Variants in NTRK3 observed in about 807,000 individuals in gnomAD.
NTRK3 encodes the protein neurotrophic receptor tyrosine kinase 3, also known as NT-3 growth factor receptor.
In NTRK3, 24 loss-of-function variants were observed where a neutral mutation model predicts 91.7. The ratio of observed to expected loss-of-function variants is 0.26; its 90% CI spans 0.19 to 0.37. The LOEUF is 0.37. Among genes scored for constraint, NTRK3 ranks in the 10% least tolerant of loss-of-function variants. The probability of loss-of-function intolerance (pLI) is 1.00; values close to 1 mark genes in which losing one functional copy is unlikely to be tolerated. For synonymous variants in NTRK3, 483 were observed against 404.0 expected, an observed-to-expected ratio of 1.20 and a Z score of -2.34; for missense variants, 880 against 1,068.9, an observed-to-expected ratio of 0.82 and a Z score of 2.46.
intron 10 of NTRK3, among the ~76,000 whole-genome samples, chr15:88,129,345 A>G (rs1001171827): frequency 1.3e-5 from 2 of 152,218 alleles, no homozygotes. Flanking sequence ...TAAATGCTTC[A>G]TGTAGCACAT....
intron 3 of NTRK3, among the ~76,000 whole-genome samples, chr15:88,213,477 A>T (rs1368747125): frequency 6.6e-6 from 1 of 152,126 alleles, no homozygotes; most frequent in Non-Finnish European, 1.5e-5. Context: ...CCTCTCTAGG[A>T]ACAGTGGAGA....
At chr15:88,056,855 T>C (rs2045739860) in intron 13 of NTRK3, among the ~76,000 whole-genome samples, 1 of 152,146 alleles carries the variant, frequency 6.6e-6, no homozygotes, top group Admixed American at 6.5e-5. Flanking sequence ...AATAATCTCA[T>C]TCATATGGTA....
chr15:88,216,737 AGCCC>A (rs762882890), intron 3 of NTRK3, among the ~76,000 whole-genome samples: 1 of 152,188 alleles, frequency 6.6e-6, no homozygotes, highest in Non-Finnish European at 1.5e-5. Context: ...CTCTTAGGGG[AGCCC>A]AGCATCATCA....
rs556118628 is a variant in NTRK3 at position 87,957,517 on chromosome 15, G to A, written c.1586-16764C>T. Among the ~76,000 whole-genome samples, 3 of 152,306 alleles carry A rather than the reference G, an allele frequency of 2.0e-5. No individual in the cohort carries two copies. In the South Asian group the frequency reaches 6.2e-4, roughly 32 times the overall value. On this transcript the variant is annotated intron_variant, in intron 14 of 18. Coordinates refer to ENST00000394480, the Ensembl canonical transcript of NTRK3. ...GACTCATAAGATGTCCTATAGCACA[G>A]TGTTGTGGTAGGATTGCATAAGATC...
exon 10 of NTRK3, chr15:88,135,243 T>G: frequency 6.2e-7 from 1 of 1,614,240 alleles, no homozygotes; most frequent in Non-Finnish European, 8.5e-7. Flanking sequence ...TCTCTCCCTC[T>G]TGGTAGTATT....
intron 14 of NTRK3, among the ~76,000 whole-genome samples, chr15:87,986,356 T>C (rs1440594971): frequency 6.6e-6 from 1 of 152,242 alleles, no homozygotes; most frequent in Non-Finnish European, 1.5e-5. Context: ...TATCTTCTTC[T>C]CAAATTTCTA....
chr15:88,048,443 C>G (rs1258515921), intron 13 of NTRK3, among the ~76,000 whole-genome samples: 1 of 152,208 alleles, frequency 6.6e-6, no homozygotes, highest in Non-Finnish European at 1.5e-5. Context: ...ACAAGACTAT[C>G]TTTGAGCCCC....
intron 3 of NTRK3, among the ~76,000 whole-genome samples, chr15:88,192,870 C>T (rs2047524201): frequency 6.6e-6 from 1 of 152,162 alleles, no homozygotes; most frequent in Non-Finnish European, 1.5e-5. Context: ...GTTAGCAGCC[C>T]CTGCATTTCC....
chr15:87,952,210 GAAGAAAAGAAAAGAGAAAGAA>G (rs1567145447), intron 14 of NTRK3, among the ~76,000 whole-genome samples: 2 of 140,886 alleles, frequency 1.4e-5, no homozygotes, highest in Non-Finnish European at 3.1e-5. Context: ...AAGAAAGAAA[GAAGAAAAGAAAAGAGAAAGAA>G]AAGAAAAGAA....
chr15:87,975,652 C>T (rs1380347011), intron 14 of NTRK3, among the ~76,000 whole-genome samples: 2 of 152,174 alleles, frequency 1.3e-5, no homozygotes, highest in African/African-American at 4.8e-5. Context: ...GGGGTAAATG[C>T]CATGAGACTT....
At chr15:87,997,655 A>G (rs2075800667) in intron 14 of NTRK3, among the ~76,000 whole-genome samples, 1 of 152,226 alleles carries the variant, frequency 6.6e-6, no homozygotes, top group Non-Finnish European at 1.5e-5. Flanking sequence ...TGTTATCATT[A>G]TACAATACTT....
chr15:88,056,645 G>A (rs973075837), intron 13 of NTRK3, among the ~76,000 whole-genome samples: 5 of 152,142 alleles, frequency 3.3e-5, no homozygotes, highest in Non-Finnish European at 7.3e-5. Context: ...CTGCTCACTC[G>A]TTCCCTCCTT....
At chr15:87,863,990 CACAT>C (rs1199242726) in exon 19 of NTRK3, 59 of 222,072 alleles carry the variant, frequency 2.7e-4, no homozygotes, top group Middle Eastern at 1.3e-3. Context: ...CACACACACA[CACAT>C]ACACACACAC....
At chr15:88,244,447 C>T (rs2052643659) in intron 3 of NTRK3, among the ~76,000 whole-genome samples, 1 of 152,154 alleles carries the variant, frequency 6.6e-6, no homozygotes, top group Non-Finnish European at 1.5e-5. Flanking sequence ...AGACAGATGC[C>T]AAATTCCATG....
At chr15:87,994,933 G>A (rs1313518967) in intron 14 of NTRK3, among the ~76,000 whole-genome samples, 1 of 152,178 alleles carries the variant, frequency 6.6e-6, no homozygotes, top group Non-Finnish European at 1.5e-5. Flanking sequence ...ATGGATAAAT[G>A]AAGATGACAG....
chr15:88,054,224 C>T (rs1371968311), intron 13 of NTRK3, among the ~76,000 whole-genome samples: 1 of 152,152 alleles, frequency 6.6e-6, no homozygotes, highest in African/African-American at 2.4e-5. Context: ...GCGAGCAAAC[C>T]ATTAAATAAT....
At chr15:88,079,199 A>G (rs1435206893) in intron 13 of NTRK3, among the ~76,000 whole-genome samples, 1 of 152,206 alleles carries the variant, frequency 6.6e-6, no homozygotes, top group Non-Finnish European at 1.5e-5. Context: ...GACTCGTGAC[A>G]CAGTTTGAAG....
At chr15:87,956,350 C>T (rs1470668821) in intron 14 of NTRK3, among the ~76,000 whole-genome samples, 1 of 152,238 alleles carries the variant, frequency 6.6e-6, no homozygotes, top group East Asian at 1.9e-4. Context: ...TCTCGGCTCA[C>T]TGAACCTTTG....
At chr15:88,226,585 G>C (rs1044275523) in intron 3 of NTRK3, among the ~76,000 whole-genome samples, 1 of 152,126 alleles carries the variant, frequency 6.6e-6, no homozygotes, top group African/African-American at 2.4e-5. Context: ...CCTCCTCCTT[G>C]TCCTCAGGCC....
Sources: allele counts gnomAD v4.1 joint callset (sites outside exome capture counted in the v4.1 genomes callset), GRCh38; gene constraint gnomAD v4.1.1; transcripts MANE v1.5; gene names NCBI Gene and HGNC (gene_info 2026-07-23, HGNC 2026-07-21).